Variants in PLEKHA5 observed in about 807,000 individuals in gnomAD.
The protein encoded by PLEKHA5 is pleckstrin homology domain containing A5.
PLEKHA5 carries 55 observed loss-of-function variants against 181.9 expected under a neutral mutation model. That is an observed-to-expected ratio of 0.30 (90% confidence interval 0.24 to 0.38). The LOEUF is 0.38. PLEKHA5 is among the 10% of genes least tolerant of loss of function. The pLI is 1.00. For synonymous variants in PLEKHA5, 535 were observed against 529.4 expected (o/e 1.01, Z -0.15); for missense variants, 1,432 against 1,549.5 (o/e 0.92, Z 1.27).
chr12:19,372,613 A>G (rs1565679602), intron 31 of PLEKHA5: 1 of 151,586 alleles, frequency 6.6e-6, no homozygotes, highest in East Asian at 1.9e-4. Flanking sequence ...ATTTGAGATT[A>G]TGTCTACCTG....
At chr12:19,373,148 G>A (rs956805251) in intron 31 of PLEKHA5, 4 of 152,188 alleles carry the variant, frequency 2.6e-5, no homozygotes, top group Non-Finnish European at 5.9e-5. Flanking sequence ...GGGAGGCCAG[G>A]GCTGGTGGAT....
At chr12:19,368,181 T>G (rs2095483719) in intron 30 of PLEKHA5, among the ~76,000 whole-genome samples, 1 of 152,174 alleles carries the variant, frequency 6.6e-6, no homozygotes, top group African/African-American at 2.4e-5. Context: ...GCCTTTTCCT[T>G]TGCCTCTGTC....
intron 15 of PLEKHA5, chr12:19,307,141 G>C (rs932134907): frequency 1.1e-5 from 9 of 820,822 alleles, no homozygotes; most frequent in African/African-American, 6.9e-5. Flanking sequence ...TGCTGGTCTT[G>C]TTTCACCAAG....
intron 11 of PLEKHA5, among the ~76,000 whole-genome samples, chr12:19,280,323 G>A (rs969719363): frequency 6.6e-6 from 1 of 151,854 alleles, no homozygotes; most frequent in African/African-American, 2.4e-5. Context: ...GGGGTGAGCC[G>A]CTGCACCCAG....
At chr12:19,372,888 C>G (rs565529881) in intron 31 of PLEKHA5, 6 of 152,030 alleles carry the variant, frequency 3.9e-5, no homozygotes, top group African/African-American at 1.4e-4. Context: ...ACGACAGCCT[C>G]CCAAGTAGCT....
chr12:19,249,423 G>T (rs1408922571), intron 3 of PLEKHA5, among the ~76,000 whole-genome samples: 1 of 152,186 alleles, frequency 6.6e-6, no homozygotes, highest in East Asian at 1.9e-4. Flanking sequence ...TCACATCATA[G>T]ATGGGATGGA....
chr12:19,368,932 C>T (rs184643573), intron 30 of PLEKHA5, among the ~76,000 whole-genome samples: 29 of 148,122 alleles, frequency 2.0e-4, no homozygotes, highest in Admixed American at 1.8e-3. Context: ...TTAAATCATC[C>T]ATAGTATTTA....
chr12:19,343,670 A>G (rs2094114682), intron 22 of PLEKHA5, among the ~76,000 whole-genome samples: 3 of 152,196 alleles, frequency 2.0e-5, no homozygotes, highest in African/African-American at 7.2e-5. Flanking sequence ...TACTGTAGAC[A>G]GTTGTAACAC....
chr12:19,245,770 C>G (rs923646467), intron 3 of PLEKHA5, among the ~76,000 whole-genome samples: 30 of 139,064 alleles, frequency 2.2e-4, no homozygotes, highest in African/African-American at 7.2e-4. Context: ...TAACTCTAGA[C>G]TTCGTGGTTC....
chr12:19,162,426 G>C (rs1181301686), intron 3 of PLEKHA5, among the ~76,000 whole-genome samples: 1 of 151,938 alleles, frequency 6.6e-6, no homozygotes, highest in Non-Finnish European at 1.5e-5. Context: ...GTACTGATCT[G>C]GCTAATTTTA....
rs373332109 is a variant in PLEKHA5, at chr12:19,135,131, T to C, written c.227+2681T>C. Among the ~76,000 whole-genome samples, 5 of 152,206 alleles carry C rather than the reference T, an allele frequency of 3.3e-5. No individual in the cohort carries two copies. In the East Asian group the frequency reaches 9.6e-4, roughly 29 times the overall value. On this transcript the variant is annotated intron_variant, in intron 3 of 31. Transcript: ENST00000429027. ...GGAGACCTAAAGAATTTCAGTTGTT[T>C]CTGCTTCCATTGTGAAGTGAAATAT...
intron 3 of PLEKHA5, among the ~76,000 whole-genome samples, chr12:19,239,784 G>A (rs149964995): frequency 1.3e-5 from 2 of 152,202 alleles, no homozygotes; most frequent in East Asian, 3.9e-4. Context: ...ATTCCACCAG[G>A]CTCAATTCAA....
intron 3 of PLEKHA5, among the ~76,000 whole-genome samples, chr12:19,215,494 A>G (rs922918295): frequency 2.0e-5 from 3 of 152,160 alleles, no homozygotes; most frequent in Admixed American, 1.3e-4. Context: ...GGCGTTGCAT[A>G]TAGTAGTTTG....
chr12:19,255,592 G>T (rs2066662352), intron 5 of PLEKHA5, among the ~76,000 whole-genome samples: 1 of 151,546 alleles, frequency 6.6e-6, no homozygotes, highest in Non-Finnish European at 1.5e-5. Context: ...GCCAGTTAAG[G>T]TTTTTGAAAT....
At chr12:19,133,199 A>G (rs951712145) in intron 3 of PLEKHA5, among the ~76,000 whole-genome samples, 1 of 152,010 alleles carries the variant, frequency 6.6e-6, no homozygotes, top group Non-Finnish European at 1.5e-5. Flanking sequence ...AAAGATGACC[A>G]GTCAGTCCCA....
At chr12:19,137,437 A>G (rs1591774381) in intron 3 of PLEKHA5, among the ~76,000 whole-genome samples, 1 of 150,510 alleles carries the variant, frequency 6.6e-6, no homozygotes. Context: ...TATTTATAAC[A>G]AGAGTTTTGG....
At chr12:19,182,742 A>C (rs1176959812) in intron 3 of PLEKHA5, among the ~76,000 whole-genome samples, 3 of 152,214 alleles carry the variant, frequency 2.0e-5, no homozygotes, top group Admixed American at 2.0e-4. Context: ...AAAAATAAGT[A>C]TAAGTACTGA....
rs1274278669 is a variant in PLEKHA5 at position 19,290,788 on chromosome 12, A to C, written c.1975A>C (p.Ser659Arg). The change falls in exon 14 of 32, where the codon AGC becomes CGC. Residue 659 changes from serine to arginine, a missense_variant. By Grantham distance (110) the Ser-to-Arg change is moderately radical. Coordinates refer to ENST00000429027, the MANE Select transcript of PLEKHA5 (RefSeq NM_001256470.2). Reference protein sequence around the residue: ...QLMQLKLEAHSPKNEILSHHL... With the variant: ...QLMQLKLEAHRPKNEILSHHL... The stretch of plus-strand genomic sequence containing the variant: ...CATGCAGCTAAAGCTTGAGGCCCAC[A>C]GCCCAAAGGTCAGCTATGGAGAGAT... The C allele has an allele frequency of 1.3e-6, 2 of 1,533,540 alleles. No homozygotes were observed. The highest frequency in any genetic ancestry group is 4.9e-5 in the East Asian group (2 of 40,862). 95.0% of individuals were successfully genotyped at this position (1,533,540 alleles called of 1,614,324 possible). A position where few individuals can be genotyped will look rare whatever the true frequency, so the allele number is the denominator to read the frequency against.
chr12:19,346,242 A>G (rs1184974393), intron 23 of PLEKHA5, among the ~76,000 whole-genome samples: 3 of 152,242 alleles, frequency 2.0e-5, no homozygotes, highest in Non-Finnish European at 4.4e-5. Flanking sequence ...TGCGTAGCAT[A>G]AAGAAATTAC....
Sources: allele counts gnomAD v4.1 joint callset (sites outside exome capture counted in the v4.1 genomes callset), GRCh38; gene constraint gnomAD v4.1.1; transcripts MANE v1.5; gene names NCBI Gene and HGNC (gene_info 2026-07-23, HGNC 2026-07-21).